MTSS1: variants seen among roughly 807,000 people sequenced by gnomAD.
MTSS1 encodes the protein protein MTSS 1.
In MTSS1, 18 loss-of-function variants were observed where a neutral mutation model predicts 79.0. The observed-to-expected ratio is 0.23, with a 90% CI of 0.16 to 0.34. The LOEUF (loss-of-function observed/expected upper bound fraction) is 0.34, where lower values mean the gene tolerates loss of function less well. Among genes scored for constraint, MTSS1 ranks in the 10% least tolerant of loss-of-function variants. The probability of loss-of-function intolerance (pLI) is 1.00; values close to 1 mark genes in which losing one functional copy is unlikely to be tolerated. For missense variants in MTSS1, 815 were observed against 986.2 expected (o/e 0.83, Z 2.33); for synonymous variants, 341 against 368.6 (o/e 0.93, Z 0.86).
chr8:124,628,684 A>G (rs1329795109), intron 3 of MTSS1, among the ~76,000 whole-genome samples: 1 of 152,232 alleles, frequency 6.6e-6, no homozygotes, highest in Non-Finnish European at 1.5e-5. Context: ...TGTCAGCTAA[A>G]TAATAAGTTG....
intron 3 of MTSS1, among the ~76,000 whole-genome samples, chr8:124,674,384 G>A (rs982357152): frequency 3.3e-5 from 5 of 152,010 alleles, no homozygotes; most frequent in Admixed American, 2.0e-4. Context: ...ACTATATATG[G>A]TACACCCCAC....
At chr8:124,636,665 C>T (rs1020590978) in intron 3 of MTSS1, among the ~76,000 whole-genome samples, 1 of 152,144 alleles carries the variant, frequency 6.6e-6, no homozygotes, top group South Asian at 2.1e-4. Context: ...GGAAATGTAC[C>T]CAGCTGTCCA....
chr8:124,561,383 A>G (rs1002908013), intron 10 of MTSS1, among the ~76,000 whole-genome samples: 1 of 152,184 alleles, frequency 6.6e-6, no homozygotes, highest in Non-Finnish European at 1.5e-5. Context: ...GCACCACTGC[A>G]CTCCAGCCTG....
chr8:124,694,276 T>C (rs1828441046), intron 3 of MTSS1, among the ~76,000 whole-genome samples: 1 of 152,100 alleles, frequency 6.6e-6, no homozygotes, highest in African/African-American at 2.4e-5. Flanking sequence ...CACTGTGCCA[T>C]CTGCTTGTGT....
chr8:124,599,013 C>G (rs1016493347), intron 3 of MTSS1, among the ~76,000 whole-genome samples: 2 of 152,228 alleles, frequency 1.3e-5, no homozygotes, highest in African/African-American at 4.8e-5. Context: ...AAACAGCCAG[C>G]CCCAAAGTGT....
intron 13 of MTSS1, among the ~76,000 whole-genome samples, chr8:124,554,851 G>T (rs1823247007): frequency 1.3e-5 from 2 of 152,190 alleles, no homozygotes; most frequent in Admixed American, 1.3e-4. Context: ...CAAAAATGAA[G>T]CTATTCCTTT....
intron 3 of MTSS1, among the ~76,000 whole-genome samples, chr8:124,662,903 T>C (rs975686099): frequency 6.6e-6 from 1 of 151,970 alleles, no homozygotes; most frequent in African/African-American, 2.4e-5. Flanking sequence ...CTCACGGAAA[T>C]CAAGGGCAAC....
At chr8:124,606,586 A>G (rs1834925929) in intron 3 of MTSS1, among the ~76,000 whole-genome samples, 1 of 152,190 alleles carries the variant, frequency 6.6e-6, no homozygotes, top group African/African-American at 2.4e-5. Context: ...CAACCACTCC[A>G]TTCTTGGGGG....
intron 3 of MTSS1, among the ~76,000 whole-genome samples, chr8:124,661,072 T>A (rs993394462): frequency 6.6e-6 from 1 of 152,208 alleles, no homozygotes; most frequent in Non-Finnish European, 1.5e-5. Context: ...CAGCCACCAA[T>A]AAGATGCCAG....
chr8:124,705,128 AG>A (rs1830209650), intron 1 of MTSS1, among the ~76,000 whole-genome samples: 1 of 152,146 alleles, frequency 6.6e-6, no homozygotes, highest in South Asian at 2.1e-4. Flanking sequence ...CAACACAGAA[AG>A]GGGGAAACAA....
At chr8:124,712,470 C>G (rs1831314028) in intron 1 of MTSS1, among the ~76,000 whole-genome samples, 1 of 152,188 alleles carries the variant, frequency 6.6e-6, no homozygotes, top group African/African-American at 2.4e-5. Context: ...AGAATCCGCT[C>G]AGCTTCCAGA....
At chr8:124,643,437 C>T (rs1038544098) in intron 3 of MTSS1, among the ~76,000 whole-genome samples, 7 of 152,172 alleles carry the variant, frequency 4.6e-5, no homozygotes, top group Non-Finnish European at 8.8e-5. Context: ...GTGGCTCATG[C>T]CTGTAATCCC....
At chr8:124,577,898 T>C (rs375458382) in intron 6 of MTSS1, among the ~76,000 whole-genome samples, 3 of 152,198 alleles carry the variant, frequency 2.0e-5, no homozygotes, top group African/African-American at 7.2e-5. Context: ...CATTGATCCA[T>C]TGACTGCAGG....
intron 6 of MTSS1, among the ~76,000 whole-genome samples, chr8:124,578,860 G>A (rs1401887274): frequency 2.0e-5 from 3 of 151,610 alleles, no homozygotes; most frequent in Admixed American, 1.3e-4. Flanking sequence ...TTACAGGCAT[G>A]AGCCACCACG....
chr8:124,682,439 A>T (rs1278592337), intron 3 of MTSS1, among the ~76,000 whole-genome samples: 2 of 152,260 alleles, frequency 1.3e-5, no homozygotes, highest in Non-Finnish European at 2.9e-5. Flanking sequence ...ATAATCCATC[A>T]GTGCACAAGG....
At chr8:124,627,860 C>G (rs1365730964) in intron 3 of MTSS1, among the ~76,000 whole-genome samples, 2 of 152,214 alleles carry the variant, frequency 1.3e-5, no homozygotes, top group African/African-American at 4.8e-5. Context: ...CCCATAAAAA[C>G]TCTTACAGAT....
At chr8:124,613,243 T>C (rs1836214797) in intron 3 of MTSS1, among the ~76,000 whole-genome samples, 1 of 152,198 alleles carries the variant, frequency 6.6e-6, no homozygotes, top group African/African-American at 2.4e-5. Context: ...ACCAATGGTA[T>C]AACCTTGGGT....
intron 6 of MTSS1, chr8:124,577,573 G>C (rs765500023): frequency 9.6e-6 from 5 of 518,970 alleles, no homozygotes; most frequent in South Asian, 5.6e-5. Flanking sequence ...AGACATCTAT[G>C]GATTCAGGTC....
At chr8:124,725,360 A>T (rs56318630) in intron 1 of MTSS1, among the ~76,000 whole-genome samples, 1 of 131,660 alleles carries the variant, frequency 7.6e-6, no homozygotes, top group Non-Finnish European at 1.6e-5. Context: ...TATTCCTTTT[A>T]TTGTTTTCTT....
Sources: gnomAD v4.1 joint callset for allele counts (sites outside exome capture counted in the v4.1 genomes callset) on GRCh38, gnomAD v4.1.1 for gene constraint, MANE v1.5 for transcripts, NCBI Gene and HGNC (gene_info 2026-07-23, HGNC 2026-07-21) for gene names.